The following CD53 variants were observed in gnomAD, a reference collection of about 807,000 sequenced individuals.
CD53 encodes the protein CD53 molecule, also known as leukocyte surface antigen CD53.
A neutral mutation model predicts 27.3 loss-of-function variants in CD53; 20 were observed. The observed-to-expected ratio is 0.73, with a 90% confidence interval of 0.52 to 1.07. The LOEUF is 1.07. Among genes scored for constraint, CD53 ranks in the 50% least tolerant of loss-of-function variants. The pLI is 0.00. For synonymous variants in CD53, 106 were observed against 105.3 expected, an observed-to-expected ratio of 1.01 and a Z score of -0.04; for missense variants, 216 against 264.0, an observed-to-expected ratio of 0.82 and a Z score of 1.26.
chr1:110,873,086 C>T (rs1227988679), upstream of CD53: 2 of 152,610 alleles, frequency 1.3e-5, no homozygotes, highest in Non-Finnish European at 2.9e-5. Flanking sequence ...TCCTTCTTCT[C>T]ATCTGGGCTT....
chr1:110,876,482 C>A (rs1245309169), intron 1 of CD53, among the ~76,000 whole-genome samples: 2 of 152,096 alleles, frequency 1.3e-5, no homozygotes, highest in Non-Finnish European at 1.5e-5. Flanking sequence ...ATTTTCCAAA[C>A]CTTTTTGTTT....
intron 1 of CD53, among the ~76,000 whole-genome samples, chr1:110,880,989 C>T (rs1417837653): frequency 6.6e-6 from 1 of 152,130 alleles, no homozygotes; most frequent in Non-Finnish European, 1.5e-5. Flanking sequence ...AGCAAAGAAA[C>T]ACATTACCAA....
chr1:110,891,334 T>TG, intron 1 of CD53, 58 bp from the exon 2 acceptor site: 2 of 1,170,058 alleles, frequency 1.7e-6, no homozygotes, highest in Non-Finnish European at 2.6e-6. Context: ...TTGTGCACTC[T>TG]GATCTCTGGC....
At chr1:110,885,241 A>G (rs1453373152) in intron 1 of CD53, among the ~76,000 whole-genome samples, 1 of 152,184 alleles carries the variant, frequency 6.6e-6, no homozygotes, top group African/African-American at 2.4e-5. Context: ...TTTTTGTTTG[A>G]ACAGTTCAGT....
intron 3 of CD53, 32 bp downstream of exon 3, chr1:110,892,565 G>A (rs1271110578): frequency 3.8e-6 from 6 of 1,560,616 alleles, no homozygotes; most frequent in African/African-American, 1.4e-5. Context: ...GGTGCCCCAA[G>A]TCGGGGAGAT....
chr1:110,879,863 G>A (rs533415920), intron 1 of CD53, among the ~76,000 whole-genome samples: 3 of 152,218 alleles, frequency 2.0e-5, no homozygotes, highest in East Asian at 3.9e-4. Flanking sequence ...CCACCATGGC[G>A]AGCCTGATCG....
chr1:110,878,795 T>C (rs1388188375), intron 1 of CD53, among the ~76,000 whole-genome samples: 2 of 152,226 alleles, frequency 1.3e-5, no homozygotes, highest in African/African-American at 2.4e-5. Flanking sequence ...TTCCAACATG[T>C]CTTAACAGAG....
At chr1:110,897,627 T>C in intron 6 of CD53, 182 bp from the exon 7 acceptor site, 1 of 487,166 alleles carries the variant, frequency 2.1e-6, no homozygotes, top group Non-Finnish European at 3.7e-6. Flanking sequence ...CAGAAAAGTC[T>C]GTAGTTTAAT....
chr1:110,895,585 A>C (rs1657027343), intron 5 of CD53, among the ~76,000 whole-genome samples: 1 of 152,206 alleles, frequency 6.6e-6, no homozygotes, highest in Non-Finnish European at 1.5e-5. Context: ...AAACAGTACC[A>C]CTATGAAAGC....
In CD53 at chr1:110,897,888, T is replaced by C. The variant is rs1413810231; in HGVS notation, c.584T>C (p.Ile195Thr). Residue 195 changes from isoleucine (I) to threonine (T), a missense_variant, in exon 7 of 8, where the codon ATT (isoleucine) becomes ACT (threonine). Transcript: ENST00000271324. ...ATCATCACCATCTGTGTATGTGTGA[T>C]TGAGGTAAGAGCTTAACCACAGGGT... The part of the protein sequence containing the change: ...IGIITICVCV[I>T]EVLGMSFALT... The C allele has an allele frequency of 6.3e-7, 1 of 1,594,364 alleles. No individual in the cohort carries two copies. Among genetic ancestry groups the C allele is most frequent in the Non-Finnish European group, 8.6e-7 (1 of 1,163,272 alleles).
intron 1 of CD53, among the ~76,000 whole-genome samples, chr1:110,889,936 A>T (rs1656787136): frequency 6.6e-6 from 1 of 152,194 alleles, no homozygotes; most frequent in Non-Finnish European, 1.5e-5. Context: ...AGACAAGAAG[A>T]AAAGAGGGGA....
intron 1 of CD53, among the ~76,000 whole-genome samples, chr1:110,880,495 G>T (rs1656314624): frequency 1.3e-5 from 2 of 152,086 alleles, no homozygotes; most frequent in South Asian, 4.2e-4. Flanking sequence ...GGACAATCAG[G>T]TTACACGGGC....
At position 110,897,882 on chromosome 1, in the gene CD53, G is replaced by T. The variant is rs1657131573; in HGVS notation, c.578G>T (p.Cys193Phe). 1.2e-6 allele frequency: 2 copies of T among 1,601,120 alleles called. No homozygotes were observed. The highest frequency in any genetic ancestry group is 1.1e-5 in the South Asian group (1 of 90,468). ...ATCGGAATCATCACCATCTGTGTAT[G>T]TGTGATTGAGGTAAGAGCTTAACCA... is the stretch of plus-strand genomic sequence containing the variant. ...LYIGIITICV[C>F]VIEVLGMSFA... is the part of the protein sequence containing the mutation. The change falls in exon 7 of 8, where the codon TGT becomes TTT. Residue 193 changes from cysteine to phenylalanine, a missense_variant. Cys to Phe is a radical substitution (Grantham distance 205). Transcript: ENST00000271324.
chr1:110,887,578 TA>T (rs1448447693), intron 1 of CD53, among the ~76,000 whole-genome samples: 1 of 152,246 alleles, frequency 6.6e-6, no homozygotes, highest in East Asian at 1.9e-4. Context: ...GCACTTAAGT[TA>T]CTTGGAAAGT....
intron 1 of CD53, among the ~76,000 whole-genome samples, chr1:110,882,193 A>G (rs1259444396): frequency 6.6e-6 from 1 of 152,134 alleles, no homozygotes. Flanking sequence ...CAAGGTTGCA[A>G]ATATTTCCTT....
chr1:110,883,363 T>A (rs536266549), intron 1 of CD53, among the ~76,000 whole-genome samples: 1 of 152,118 alleles, frequency 6.6e-6, no homozygotes, highest in Non-Finnish European at 1.5e-5. Flanking sequence ...AAGTAGTTTT[T>A]TCAATGTTAA....
chr1:110,896,688 G>A lies in CD53; in HGVS notation c.459G>A (p.Trp153Ter), dbSNP rs1358288022. Residue 153 changes from tryptophan to a stop codon, truncating the protein, a stop_gained, in exon 6 of 8, where the codon TGG becomes TGA. Transcript: ENST00000271324. LOFTEE classifies it high-confidence loss of function. Reference protein sequence around the residue: ...QCCGINGTSDWTSGPPASCPS... With the variant: ...QCCGINGTSD ...GTGGTATAAATGGCACGAGTGATTGGACCAGTGGCCCACCAGCATCTTGCC... is the reference window on the plus strand; with the variant it reads ...GTGGTATAAATGGCACGAGTGATTGAACCAGTGGCCCACCAGCATCTTGCC... 1 of 1,613,396 alleles carries A rather than the reference G, an allele frequency of 6.2e-7. No individual in the cohort carries two copies. The highest frequency in any genetic ancestry group is 8.5e-7 in the Non-Finnish European group (1 of 1,179,812).
chr1:110,882,329 A>G (rs762565575), intron 1 of CD53, among the ~76,000 whole-genome samples: 4 of 152,092 alleles, frequency 2.6e-5, no homozygotes, highest in Admixed American at 6.5e-5. Context: ...TTCCAGCACC[A>G]TTTGTTGAAA....
At chr1:110,896,761 T>C in intron 6 of CD53, 28 bp downstream of exon 6, 1 of 1,581,830 alleles carries the variant, frequency 6.3e-7, no homozygotes, top group Non-Finnish European at 8.7e-7. Context: ...GTTTCTGTTA[T>C]TGACCTCTTT....
Sources: gnomAD v4.1 joint callset for allele counts (sites outside exome capture counted in the v4.1 genomes callset) on GRCh38, gnomAD v4.1.1 for gene constraint, MANE v1.5 for transcripts, NCBI Gene and HGNC (gene_info 2026-07-23, HGNC 2026-07-21) for gene names.